ARHGAP21: variants seen among roughly 807,000 people sequenced by gnomAD.
The protein encoded by ARHGAP21 is rho GTPase-activating protein 21.
Under a neutral mutation model 164.6 loss-of-function variants are expected in ARHGAP21, and 38 were observed. That is an observed-to-expected ratio of 0.23 (90% confidence interval 0.18 to 0.30). The LOEUF (loss-of-function observed/expected upper bound fraction) is 0.30. Among genes scored for constraint, ARHGAP21 ranks in the 10% least tolerant of loss-of-function variants. The pLI, the probability that ARHGAP21 is intolerant of heterozygous loss-of-function variation, is 1.00. For synonymous variants in ARHGAP21, 766 were observed against 857.9 expected, an observed-to-expected ratio of 0.89 and a Z score of 1.87; for missense variants, 1,822 against 2,370.7, an observed-to-expected ratio of 0.77 and a Z score of 4.81.
At chr10:24,646,183 G>C (rs560014008) in intron 4 of ARHGAP21, among the ~76,000 whole-genome samples, 10 of 152,316 alleles carry the variant, frequency 6.6e-5, no homozygotes, top group Admixed American at 3.3e-4. Flanking sequence ...AACAGGGACT[G>C]TAACTATTAT....
chr10:24,590,770 C>T, intron 24 of ARHGAP21: 1 of 985,064 alleles, frequency 1.0e-6, no homozygotes, highest in African/African-American at 1.7e-5. Flanking sequence ...AAAATGGTGC[C>T]CATTACCAGT....
At chr10:24,624,337 CTTTTTTTTTT>C (rs565872094) in intron 7 of ARHGAP21, among the ~76,000 whole-genome samples, 1 of 102,892 alleles carries the variant, frequency 9.7e-6, no homozygotes, top group Non-Finnish European at 1.8e-5. Context: ...TGTTCTAGAA[CTTTTTTTTTT>C]TTTTTTTTTT....
At chr10:24,628,279 A>T (rs1210912259) in intron 7 of ARHGAP21, among the ~76,000 whole-genome samples, 1 of 152,226 alleles carries the variant, frequency 6.6e-6, no homozygotes, top group Non-Finnish European at 1.5e-5. Flanking sequence ...TGAACTGTGT[A>T]CTTCAGAAGG....
At chr10:24,647,860 G>C (rs553456676) in intron 4 of ARHGAP21, among the ~76,000 whole-genome samples, 1 of 152,084 alleles carries the variant, frequency 6.6e-6, no homozygotes, top group African/African-American at 2.4e-5. Context: ...TTTTTCCCCA[G>C]ACAGTCTCAC....
chr10:24,714,818 A>G (rs575281872), intron 2 of ARHGAP21, among the ~76,000 whole-genome samples: 53 of 152,224 alleles, frequency 3.5e-4, no homozygotes, highest in Admixed American at 1.0e-3. Context: ...GCAGATCACA[A>G]GGTCAGGAGA....
chr10:24,721,765 AC>A (rs1845965209), intron 2 of ARHGAP21, 71 bp downstream of exon 2: 2 of 1,569,020 alleles, frequency 1.3e-6, no homozygotes, highest in Non-Finnish European at 1.7e-6. Flanking sequence ...GTGGCCGGTA[AC>A]CCCCAACTTG....
chr10:24,712,816 T>C (rs1196649118), intron 2 of ARHGAP21, among the ~76,000 whole-genome samples: 1 of 152,196 alleles, frequency 6.6e-6, no homozygotes, highest in African/African-American at 2.4e-5. Flanking sequence ...GAGCCTTTCC[T>C]TCCCCTCACA....
intron 4 of ARHGAP21, among the ~76,000 whole-genome samples, chr10:24,660,146 A>C (rs1409091065): frequency 6.6e-6 from 1 of 152,100 alleles, no homozygotes; most frequent in Non-Finnish European, 1.5e-5. Context: ...ACCAGCATTA[A>C]AAGTTCATAA....
chr10:24,620,164 C>T lies in ARHGAP21; in HGVS notation c.1731G>A (p.Val577=). ...SDNRRMSGRG[V]GSVSQFKKIP... ...TTTTTTTAAACTGCGACACAGATCC[C>T]ACTCCTCTACCACTCATTCGCCTGT... The change falls in exon 9 of 26, where the codon GTG becomes GTA. Residue 577 remains valine (V), a synonymous_variant. Transcript: ENST00000396432. 6.2e-7 allele frequency: 1 copy of T among 1,613,940 alleles called. No homozygotes were observed. Among genetic ancestry groups the T allele is most frequent in the Non-Finnish European group, 8.5e-7 (1 of 1,179,852 alleles).
At chr10:24,644,036 T>C (rs1255205659) in intron 4 of ARHGAP21, among the ~76,000 whole-genome samples, 1 of 152,142 alleles carries the variant, frequency 6.6e-6, no homozygotes, top group Non-Finnish European at 1.5e-5. Flanking sequence ...TTTAACTTGC[T>C]GTTCCATGCT....
intron 10 of ARHGAP21, 45 bp downstream of exon 10, chr10:24,607,700 A>G (rs764788426): frequency 6.2e-7 from 1 of 1,611,680 alleles, no homozygotes. Flanking sequence ...CTAAGTGGAA[A>G]ACAGAGCATG....
chr10:24,614,517 G>A (rs2077393440), intron 9 of ARHGAP21, among the ~76,000 whole-genome samples: 1 of 152,158 alleles, frequency 6.6e-6, no homozygotes, highest in Non-Finnish European at 1.5e-5. Context: ...TTTTGGGAGG[G>A]CACAGTGGCT....
At chr10:24,604,381 T>C (rs771878730) in intron 11 of ARHGAP21, 33 bp from the exon 12 acceptor site, 2 of 1,474,328 alleles carry the variant, frequency 1.4e-6, no homozygotes, top group Admixed American at 1.9e-5. Context: ...ATATTTTCAA[T>C]TAGTGCAAAA....
At chr10:24,601,770 G>A (rs2130910445) in intron 13 of ARHGAP21, among the ~76,000 whole-genome samples, 1 of 151,972 alleles carries the variant, frequency 6.6e-6, no homozygotes, top group South Asian at 2.1e-4. Flanking sequence ...ACATGTAGCT[G>A]ATACACAGGA....
intron 24 of ARHGAP21, chr10:24,590,933 T>G: frequency 2.1e-6 from 2 of 939,206 alleles, no homozygotes; most frequent in Non-Finnish European, 2.5e-6. Flanking sequence ...ACATGGAAAC[T>G]GTGAATTAAA....
intron 2 of ARHGAP21, among the ~76,000 whole-genome samples, chr10:24,673,914 A>T (rs906442303): frequency 6.6e-6 from 1 of 152,174 alleles, no homozygotes; most frequent in Non-Finnish European, 1.5e-5. Context: ...ACTTAAAACT[A>T]TGAAACTTCT....
At chr10:24,695,716 C>T (rs1485344362) in intron 2 of ARHGAP21, among the ~76,000 whole-genome samples, 1 of 152,154 alleles carries the variant, frequency 6.6e-6, no homozygotes, top group Admixed American at 6.5e-5. Flanking sequence ...CTATTGTTAG[C>T]TGCCCTCTGG....
intron 11 of ARHGAP21, 56 bp from the exon 12 acceptor site, chr10:24,604,404 A>G: frequency 8.1e-7 from 1 of 1,231,568 alleles, no homozygotes; most frequent in Non-Finnish European, 1.2e-6. Context: ...AATCTTAAAG[A>G]TGTAAGAATA....
chr10:24,721,911 T>A lies in ARHGAP21; in HGVS notation c.-12A>T, dbSNP rs1345820252. On this transcript the variant is annotated 5_prime_UTR_variant, in exon 2 of 26. Coordinates refer to ENST00000396432, the MANE Select transcript of ARHGAP21 (RefSeq NM_020824.4). ...CGCGTGGCCATCATTTCATTTCAAA[T>A]GACAAAGAAGGGACAAATCCTTTGG... The A allele has an allele frequency of 3.7e-6, 6 of 1,613,962 alleles. No individual in the cohort carries two copies. In the Admixed American group the frequency reaches 1.0e-4, roughly 27 times the overall value.
Sources: gnomAD v4.1 joint callset for allele counts (sites outside exome capture counted in the v4.1 genomes callset) on GRCh38, gnomAD v4.1.1 for gene constraint, MANE v1.5 for transcripts, NCBI Gene and HGNC (gene_info 2026-07-23, HGNC 2026-07-21) for gene names.